The following LRP1B variants were observed in gnomAD, a reference collection of about 807,000 sequenced individuals.
The protein encoded by LRP1B is low-density lipoprotein receptor-related protein 1B.
A neutral mutation model predicts 556.6 loss-of-function variants in LRP1B; 217 were observed. The observed-to-expected ratio is 0.39, with a 90% CI of 0.35 to 0.44. The LOEUF (loss-of-function observed/expected upper bound fraction) is 0.44. Ranked by LOEUF, LRP1B falls within the 20% of genes least tolerant of loss-of-function variation. The pLI is 1.00. For missense variants in LRP1B, 5,053 were observed against 5,620.8 expected, an observed-to-expected ratio of 0.90 and a Z score of 3.23; for synonymous variants, 2,047 against 1,865.8, an observed-to-expected ratio of 1.10 and a Z score of -2.50.
At chr2:140,539,862 C>A (rs1680069109) in intron 45 of LRP1B, among the ~76,000 whole-genome samples, 1 of 152,108 alleles carries the variant, frequency 6.6e-6, no homozygotes, top group Admixed American at 6.6e-5. Context: ...AAATTTTGAC[C>A]AATTGCATCA....
intron 55 of LRP1B, among the ~76,000 whole-genome samples, chr2:140,501,459 C>A (rs985945750): frequency 6.6e-6 from 1 of 151,176 alleles, no homozygotes; most frequent in Non-Finnish European, 1.5e-5. Context: ...TTCCTTTATG[C>A]TCCAAAAATG....
chr2:140,866,610 G>C (rs1378430376), intron 27 of LRP1B, among the ~76,000 whole-genome samples: 1 of 152,002 alleles, frequency 6.6e-6, no homozygotes, highest in Non-Finnish European at 1.5e-5. Context: ...GAGTATCTGG[G>C]AAAATAACTA....
chr2:140,656,658 G>A (rs1684888677), intron 41 of LRP1B, among the ~76,000 whole-genome samples: 1 of 152,062 alleles, frequency 6.6e-6, no homozygotes, highest in Admixed American at 6.5e-5. Context: ...GCTTGTATTA[G>A]ATGTGCAAGT....
In LRP1B at chr2:140,886,324, C is replaced by T. The variant is rs752553135; in HGVS notation, c.3778G>A (p.Ala1260Thr). 2.6e-6 allele frequency: 4 copies of T among 1,566,336 alleles called. No individual in the cohort carries two copies. The highest frequency in any genetic ancestry group is 2.3e-5 in the East Asian group (1 of 43,608). The change falls in exon 24 of 91, where the codon GCA (alanine) becomes ACA (threonine). Residue 1260 changes from alanine to threonine, a missense_variant. This residue lies in a region of LRP1B where 3,619 missense variants were observed against 3,931.9 expected (regional missense o/e 0.92). Coordinates refer to ENST00000389484, the MANE Select transcript of LRP1B (RefSeq NM_018557.3). ...TGACGAATAGAAAAGATGATGAATGCTTCAAAAGGATCTGAAATTAAATTT... is the reference window on the plus strand; with the variant it reads ...TGACGAATAGAAAAGATGATGAATGTTTCAAAAGGATCTGAAATTAAATTT... ...ESCTSVDPFE[A>T]FIIFSIRHEI...
intron 1 of LRP1B, among the ~76,000 whole-genome samples, chr2:141,850,297 A>G (rs1038379478): frequency 1.3e-5 from 2 of 151,730 alleles, no homozygotes; most frequent in African/African-American, 4.8e-5. Context: ...CAATCTGATT[A>G]GATCCTGGTT....
At chr2:142,006,315 T>A (rs1702798497) in intron 1 of LRP1B, among the ~76,000 whole-genome samples, 1 of 152,212 alleles carries the variant, frequency 6.6e-6, no homozygotes, top group African/African-American at 2.4e-5. Context: ...CAAAACATTC[T>A]GGAAAACAGC....
chr2:140,445,102 T>C (rs1345153130), intron 63 of LRP1B, among the ~76,000 whole-genome samples: 9 of 152,028 alleles, frequency 5.9e-5, no homozygotes, highest in South Asian at 4.1e-4. Context: ...TTGTCCACAA[T>C]ACATATTCTC....
intron 3 of LRP1B, among the ~76,000 whole-genome samples, chr2:141,462,515 G>C (rs947322463): frequency 1.3e-5 from 2 of 151,840 alleles, no homozygotes; most frequent in African/African-American, 2.4e-5. Flanking sequence ...CAAGGGGAGG[G>C]AGAGCATTAG....
intron 6 of LRP1B, among the ~76,000 whole-genome samples, chr2:141,207,305 T>A (rs748140107): frequency 6.6e-6 from 1 of 152,222 alleles, no homozygotes; most frequent in African/African-American, 2.4e-5. Flanking sequence ...AAAGATAAAT[T>A]ACAGACTTTA....
chr2:141,684,813 C>T (rs937489547), intron 2 of LRP1B, among the ~76,000 whole-genome samples: 1 of 152,048 alleles, frequency 6.6e-6, no homozygotes, highest in Non-Finnish European at 1.5e-5. Context: ...ACCAGGAACA[C>T]TGCCAGCTTG....
At chr2:142,087,071 C>G (rs1705968083) in intron 1 of LRP1B, among the ~76,000 whole-genome samples, 1 of 152,136 alleles carries the variant, frequency 6.6e-6, no homozygotes, top group African/African-American at 2.4e-5. Context: ...CTAATAACAA[C>G]TATCTCATTT....
chr2:141,665,838 C>T (rs1049895621), intron 2 of LRP1B, among the ~76,000 whole-genome samples: 1 of 152,126 alleles, frequency 6.6e-6, no homozygotes, highest in East Asian at 1.9e-4. Flanking sequence ...GAAAACCAAA[C>T]ACTTGATTTT....
At chr2:140,566,485 G>T (rs566021168) in intron 43 of LRP1B, among the ~76,000 whole-genome samples, 1 of 152,250 alleles carries the variant, frequency 6.6e-6, no homozygotes, top group Admixed American at 6.5e-5. Flanking sequence ...AGGGGCCTCA[G>T]CTGGAGTTGA....
At chr2:141,015,417 T>G (rs981696601) in intron 13 of LRP1B, among the ~76,000 whole-genome samples, 1 of 152,062 alleles carries the variant, frequency 6.6e-6, no homozygotes, top group African/African-American at 2.4e-5. Context: ...TCATCAATAA[T>G]GTAGAAAAAC....
At position 140,541,118 on chromosome 2, in the gene LRP1B, T is replaced by G; in HGVS notation, c.7388-20A>C. 2 of 1,584,464 alleles carry G rather than the reference T, an allele frequency of 1.3e-6. No homozygotes were observed. Among genetic ancestry groups the G allele is most frequent in the Non-Finnish European group, 1.7e-6 (2 of 1,157,132 alleles). Reference sequence around the variant, plus strand: ...GTTCACCTACAATAAAGAGGGTGTATTGGTAACATTTTATATCGAATTCCT... The same window carrying G: ...GTTCACCTACAATAAAGAGGGTGTAGTGGTAACATTTTATATCGAATTCCT... On this transcript the variant is annotated intron_variant, in intron 44 of 90. Coordinates refer to ENST00000389484, the MANE Select transcript of LRP1B (RefSeq NM_018557.3).
intron 1 of LRP1B, among the ~76,000 whole-genome samples, chr2:141,924,140 C>A (rs1362929670): frequency 1.3e-5 from 2 of 151,750 alleles, no homozygotes; most frequent in African/African-American, 4.8e-5. Context: ...TATCCCGTAC[C>A]CATATAACCT....
chr2:141,561,609 G>A (rs1686155552), intron 2 of LRP1B, among the ~76,000 whole-genome samples: 1 of 151,726 alleles, frequency 6.6e-6, no homozygotes, highest in Admixed American at 6.6e-5. Context: ...CTTTCAGAAA[G>A]GCTAAATGTC....
intron 43 of LRP1B, among the ~76,000 whole-genome samples, chr2:140,552,898 T>A (rs1346870612): frequency 6.6e-6 from 1 of 152,166 alleles, no homozygotes; most frequent in Admixed American, 6.6e-5. Context: ...TTTCAGGAAT[T>A]CATAGTCGCT....
rs188715281 is a variant in LRP1B, at chr2:140,397,149, C to G, written c.10415-11140G>C. Among the ~76,000 whole-genome samples, 375 of 152,172 alleles carry G rather than the reference C, an allele frequency of 2.5e-3. 1 individual carries two copies. Among genetic ancestry groups the G allele is most frequent in the South Asian group, 7.5e-3 (36 of 4,828 alleles). ...ATTATCTGTTTTTATTTTTAATTATCAAGCCTATAAAATTACTTTTTTAAC... is the reference window on the plus strand; with the variant it reads ...ATTATCTGTTTTTATTTTTAATTATGAAGCCTATAAAATTACTTTTTTAAC... On this transcript the variant is annotated intron_variant, in intron 66 of 90. Transcript: ENST00000389484.
Sources: gnomAD v4.1 joint callset for allele counts (sites outside exome capture counted in the v4.1 genomes callset) on GRCh38, gnomAD v4.1.1 for gene constraint, gnomAD v4.1.1 regional missense constraint, MANE v1.5 for transcripts, NCBI Gene and HGNC (gene_info 2026-07-23, HGNC 2026-07-21) for gene names.